Variants in DPYS observed in about 807,000 individuals in gnomAD.
The protein encoded by DPYS is dihydropyrimidinase.
A neutral mutation model predicts 50.3 loss-of-function variants in DPYS; 39 were observed. That is an observed-to-expected ratio of 0.78 (90% CI 0.60 to 1.01). The LOEUF is 1.01. Among genes scored for constraint, DPYS ranks in the 50% least tolerant of loss-of-function variants. DPYS has a pLI of 0.00. For missense variants in DPYS, 659 were observed against 680.9 expected (o/e 0.97, Z 0.36); for synonymous variants, 245 against 250.7 (o/e 0.98, Z 0.22).
intron 7 of DPYS, chr8:104,418,906 T>C (rs971351293): frequency 3.7e-6 from 2 of 547,098 alleles, no homozygotes; most frequent in African/African-American, 4.1e-5. Context: ...AGGGTGTGGC[T>C]GTTGTATAAG....
chr8:104,427,224 T>A, intron 6 of DPYS, among the ~76,000 whole-genome samples: 1 of 147,218 alleles, frequency 6.8e-6, no homozygotes. Context: ...AAAAAAGAAC[T>A]GACATCAACA....
intron 8 of DPYS, among the ~76,000 whole-genome samples, chr8:104,385,711 A>G (rs1289120068): frequency 6.6e-6 from 1 of 152,222 alleles, no homozygotes; most frequent in Non-Finnish European, 1.5e-5. Context: ...CTCTGCCTTT[A>G]TGAATGGATT....
intron 8 of DPYS, among the ~76,000 whole-genome samples, chr8:104,382,426 A>C (rs985394705): frequency 1.3e-5 from 2 of 152,094 alleles, no homozygotes; most frequent in Non-Finnish European, 2.9e-5. Context: ...GACACCAGGA[A>C]ATGAAGGGCC....
chr8:104,436,337 C>T (rs6998185), intron 4 of DPYS, among the ~76,000 whole-genome samples: 25,512 of 152,160 alleles, frequency 0.17, 2,418 homozygotes, highest in African/African-American at 0.24. Context: ...TGGCCAGGCA[C>T]AGTGGCTCAT....
chr8:104,425,697 C>T (rs1812699807), intron 6 of DPYS, among the ~76,000 whole-genome samples: 1 of 152,074 alleles, frequency 6.6e-6, no homozygotes, highest in Non-Finnish European at 1.5e-5. Context: ...CATGAACCAA[C>T]AATTATGGAT....
At chr8:104,412,268 G>A (rs569526986) in intron 7 of DPYS, among the ~76,000 whole-genome samples, 3 of 152,324 alleles carry the variant, frequency 2.0e-5, no homozygotes, top group African/African-American at 4.8e-5. Flanking sequence ...GACAGAATGC[G>A]CAATCTGTTG....
intron 7 of DPYS, among the ~76,000 whole-genome samples, chr8:104,404,611 G>A (rs1289842075): frequency 7.9e-5 from 12 of 152,396 alleles, no homozygotes; most frequent in East Asian, 1.9e-4. Context: ...GCTCCTTGGT[G>A]TGAACTGGAG....
In DPYS at chr8:104,379,695, C is replaced by T. The variant is rs1262913635; in HGVS notation, c.*163G>A. 3 of 421,376 alleles carry T rather than the reference C, an allele frequency of 7.1e-6. No homozygotes were observed. The Admixed American group carries it at 8.2e-5, about 11-fold the overall frequency. The allele number at this position is 421,376 out of a possible 1,614,324, so 26.1% of individuals were successfully genotyped here. ...AACAAAAACACAGTGAGAAAGACAG[C>T]AATTGCTTCTGAAAGAAAATCAAAG... On this transcript the variant is annotated 3_prime_UTR_variant, in exon 10 of 10. Transcript: ENST00000351513.
intron 4 of DPYS, among the ~76,000 whole-genome samples, chr8:104,440,869 C>A (rs968873395): frequency 6.6e-6 from 1 of 152,154 alleles, no homozygotes; most frequent in African/African-American, 2.4e-5. Context: ...TTCTTATTTA[C>A]ATCTATCTTG....
chr8:104,388,543 G>A (rs1396834770), intron 8 of DPYS, among the ~76,000 whole-genome samples: 1 of 152,100 alleles, frequency 6.6e-6, no homozygotes, highest in Non-Finnish European at 1.5e-5. Context: ...GCTCAGTCAG[G>A]ATTCTCTTGA....
At position 104,429,185 on chromosome 8, in the gene DPYS, G is replaced by C. The variant is rs147433884; in HGVS notation, c.950+360C>G. 58 of 257,094 alleles carry C rather than the reference G, an allele frequency of 2.3e-4. 1 individual carries two copies. Among genetic ancestry groups the C allele is most frequent in the African/African-American group, 1.2e-3 (54 of 44,784 alleles). 15.9% of individuals were successfully genotyped at this position (257,094 alleles called of 1,614,324 possible). A position where few individuals can be genotyped will look rare whatever the true frequency, so the allele number is the denominator to read the frequency against. ...ATCATATGTTCCCAGAAAGTAACAG[G>C]GTTAACCTAGTTCCCATATTATATC... On this transcript the variant is annotated intron_variant, in intron 5 of 9. Coordinates refer to ENST00000351513, the MANE Select transcript of DPYS (RefSeq NM_001385.3).
At chr8:104,383,927 C>T (rs1435474167) in intron 8 of DPYS, among the ~76,000 whole-genome samples, 1 of 152,188 alleles carries the variant, frequency 6.6e-6, no homozygotes, top group Non-Finnish European at 1.5e-5. Context: ...CTGTGGCTGG[C>T]TGTCTACAAA....
chr8:104,400,174 T>C (rs965993947), intron 7 of DPYS, among the ~76,000 whole-genome samples: 2 of 151,990 alleles, frequency 1.3e-5, no homozygotes, highest in Admixed American at 1.3e-4. Context: ...TCCCACAGAG[T>C]GTGTTTTTAC....
chr8:104,438,049 G>A (rs1196689366), intron 4 of DPYS, among the ~76,000 whole-genome samples: 1 of 152,024 alleles, frequency 6.6e-6, no homozygotes, highest in South Asian at 2.1e-4. Context: ...TGAAGACAAG[G>A]AATCAGAAAA....
At chr8:104,425,873 T>C (rs1812704830) in intron 6 of DPYS, among the ~76,000 whole-genome samples, 1 of 152,158 alleles carries the variant, frequency 6.6e-6, no homozygotes, top group South Asian at 2.1e-4. Context: ...CTAAGAACCA[T>C]GCCCTGAAAG....
chr8:104,380,054 G>T (rs551771405), intron 9 of DPYS, among the ~76,000 whole-genome samples: 7 of 152,246 alleles, frequency 4.6e-5, no homozygotes, highest in East Asian at 3.9e-4. Flanking sequence ...TAGATTAGAA[G>T]AATAATTCTG....
intron 7 of DPYS, among the ~76,000 whole-genome samples, chr8:104,398,118 A>G (rs1374527676): frequency 1.3e-5 from 2 of 152,252 alleles, no homozygotes; most frequent in Non-Finnish European, 2.9e-5. Context: ...GCAGAAGCCA[A>G]AAACATGTCT....
chr8:104,401,288 G>GTATTATTAT (rs34804847), intron 7 of DPYS, among the ~76,000 whole-genome samples: 140 of 143,038 alleles, frequency 9.8e-4, no homozygotes, highest in African/African-American at 1.9e-3. Context: ...TATGAGGTAG[G>GTATTATTAT]TATTATTATT....
chr8:104,429,225 T>C (rs565294276), intron 5 of DPYS: 1 of 315,966 alleles, frequency 3.2e-6, no homozygotes, highest in East Asian at 7.0e-5. Context: ...TAGAAAAAAA[T>C]TCAACAATAT....
Sources: gnomAD v4.1 joint callset for allele counts (sites outside exome capture counted in the v4.1 genomes callset) on GRCh38, gnomAD v4.1.1 for gene constraint, MANE v1.5 for transcripts, NCBI Gene and HGNC (gene_info 2026-07-23, HGNC 2026-07-21) for gene names.